The following RNF19A variants were observed in gnomAD, a reference collection of about 807,000 sequenced individuals.
RNF19A encodes E3 ubiquitin-protein ligase RNF19A.
Under a neutral mutation model 75.7 loss-of-function variants are expected in RNF19A, and 32 were observed. The observed-to-expected ratio is 0.42, with a 90% CI of 0.32 to 0.57. The LOEUF (loss-of-function observed/expected upper bound fraction) is 0.57. RNF19A is among the 20% of genes least tolerant of loss of function. The pLI is 0.10. For missense variants in RNF19A, 782 were observed against 1,036.3 expected, an observed-to-expected ratio of 0.75 and a Z score of 3.37; for synonymous variants, 335 against 345.2, an observed-to-expected ratio of 0.97 and a Z score of 0.33.
At chr8:100,305,410 A>G (rs555898968) in intron 1 of RNF19A, among the ~76,000 whole-genome samples, 3 of 152,340 alleles carry the variant, frequency 2.0e-5, no homozygotes, top group South Asian at 4.1e-4. Context: ...AGAAAGAAAC[A>G]TGTCATACAA....
chr8:100,287,944 G>A lies in RNF19A; in HGVS notation c.231C>T (p.Asn77=), dbSNP rs771390660. The A allele has an allele frequency of 6.2e-7, 1 of 1,614,108 alleles. No homozygotes were observed. Among genetic ancestry groups the A allele is most frequent in the South Asian group, 1.1e-5 (1 of 91,078 alleles). Reference sequence around the variant, plus strand: ...CATTTAGCTCCCTTGATTTACGTTTGTTATCTTTTTTCCTCCGAAACAGGG... The same window carrying A: ...CATTTAGCTCCCTTGATTTACGTTTATTATCTTTTTTCCTCCGAAACAGGG... The part of the protein sequence containing the change: ...IGSLFRRKKD[N]KRKSRELNGG... The change falls in exon 2 of 10, where the codon AAC becomes AAT. Residue 77 remains asparagine (N), a synonymous_variant. Coordinates refer to ENST00000341084, the MANE Select transcript of RNF19A (RefSeq NM_183419.4). The surrounding 1 kb of genome is among the most constrained non-coding windows in gnomAD (Gnocchi z 4.1).
chr8:100,313,239 T>G, upstream of RNF19A: 16 of 741,038 alleles, frequency 2.2e-5, no homozygotes, highest in Non-Finnish European at 2.5e-5. Flanking sequence ...GGTGCTTACA[T>G]TGGGGGATGA....
At chr8:100,293,804 C>T (rs1821418897) in intron 1 of RNF19A, among the ~76,000 whole-genome samples, 2 of 152,026 alleles carry the variant, frequency 1.3e-5, no homozygotes, top group African/African-American at 4.8e-5. Context: ...TTTTTTTCTT[C>T]GTTCAGTAGA....
chr8:100,335,273 T>C (rs1307133530), intron 1 of RNF19A, among the ~76,000 whole-genome samples: 2 of 152,212 alleles, frequency 1.3e-5, no homozygotes, highest in Non-Finnish European at 2.9e-5. Flanking sequence ...CCATCCTAAA[T>C]GTTTAATTTG....
chr8:100,277,892 T>TC (rs1423329171), intron 2 of RNF19A, among the ~76,000 whole-genome samples: 1 of 152,192 alleles, frequency 6.6e-6, no homozygotes, highest in African/African-American at 2.4e-5. Context: ...CCAAACTTTT[T>TC]CTCTACCTAC....
chr8:100,271,903 T>C (rs1801553831), intron 3 of RNF19A, among the ~76,000 whole-genome samples: 2 of 152,142 alleles, frequency 1.3e-5, no homozygotes, highest in African/African-American at 4.8e-5. Flanking sequence ...AAGAATCAAT[T>C]AAGCCACCGT....
chr8:100,326,294 A>G (rs1463717459), intron 1 of RNF19A, among the ~76,000 whole-genome samples: 2 of 152,142 alleles, frequency 1.3e-5, no homozygotes, highest in African/African-American at 2.4e-5. Context: ...CATACCACCT[A>G]ACCTCAGTTT....
chr8:100,257,918 C>G lies in RNF19A; in HGVS notation c.*638G>C. On this transcript the variant is annotated 3_prime_UTR_variant, in exon 10 of 10. Coordinates refer to ENST00000341084, the MANE Select transcript of RNF19A (RefSeq NM_183419.4). ...ATTTTTTCCTCTAAGATGGCATCAA[C>G]AATAAACAAGATAGAGTACCAGGTA... 1 of 398,218 alleles carries G rather than the reference C, an allele frequency of 2.5e-6. No homozygotes were observed. Among genetic ancestry groups the G allele is most frequent in the Non-Finnish European group, 4.4e-6 (1 of 225,658 alleles). 24.7% of individuals were successfully genotyped at this position (398,218 alleles called of 1,614,324 possible). A position where few individuals can be genotyped will look rare whatever the true frequency, so the allele number is the denominator to read the frequency against.
chr8:100,259,928 C>A lies in RNF19A; in HGVS notation c.1752G>T (p.Leu584Phe), dbSNP rs756679874. ...SLSGESGTVS[L>F]GTVSDNASTK... is the part of the protein sequence containing the mutation. ...TGCTGGCATTATCACTAACTGTTCCCAAGCTGACTGTGCCAGATTCTCCAC... is the reference window on the plus strand; with the variant it reads ...TGCTGGCATTATCACTAACTGTTCCAAAGCTGACTGTGCCAGATTCTCCAC... The change falls in exon 9 of 10, where the codon TTG becomes TTT. Residue 584 changes from leucine to phenylalanine, a missense_variant. By Grantham distance (22) the Leu-to-Phe change is conservative (BLOSUM62 0). This residue lies in a region of RNF19A where 442 missense variants were observed against 541.6 expected (regional missense o/e 0.82). Transcript: ENST00000341084. This position sits in a 1 kb window ranked among gnomAD's most constrained non-coding sequence, Gnocchi z 4.5. 22 of 1,613,764 alleles carry A rather than the reference C, an allele frequency of 1.4e-5. No homozygotes were observed. The highest frequency in any genetic ancestry group is 1.9e-5 in the Non-Finnish European group (22 of 1,179,844).
chr8:100,273,594 T>A (rs1380884545), intron 3 of RNF19A, among the ~76,000 whole-genome samples: 2 of 152,162 alleles, frequency 1.3e-5, no homozygotes, highest in African/African-American at 4.8e-5. Context: ...TGATTTATTT[T>A]AAAAAATAAT....
Position 100,287,528 on chromosome 8 carries a change from C to A in RNF19A, c.647G>T (p.Cys216Phe). ...LRRWLVADPD[C>F]RWCPAPDCGY... ...ACAGTCTGGAGCTGGACACCACCTACAATCAGGATCTGCAACAAGCCACCG... is the reference window on the plus strand; with the variant it reads ...ACAGTCTGGAGCTGGACACCACCTAAAATCAGGATCTGCAACAAGCCACCG... The change falls in exon 2 of 10, where the codon TGT becomes TTT. Residue 216 changes from cysteine (C) to phenylalanine (F), a missense_variant. This residue lies in a region of RNF19A where 85 missense variants were observed against 177.7 expected (regional missense o/e 0.48). Coordinates refer to ENST00000341084, the MANE Select transcript of RNF19A (RefSeq NM_183419.4). The surrounding 1 kb of genome is among the most constrained non-coding windows in gnomAD (Gnocchi z 4.1). The A allele has an allele frequency of 1.2e-6, 2 of 1,613,150 alleles. No individual in the cohort carries two copies. The highest frequency in any genetic ancestry group is 1.7e-6 in the Non-Finnish European group (2 of 1,179,300).
chr8:100,259,072 T>A lies in RNF19A; in HGVS notation c.2001A>T (p.Ala667=). 1 of 1,614,220 alleles carries A rather than the reference T, an allele frequency of 6.2e-7. No homozygotes were observed. Among genetic ancestry groups the A allele is most frequent in the Admixed American group, 1.7e-5 (1 of 60,034 alleles). The change falls in exon 10 of 10, where the codon GCA becomes GCT. Residue 667 remains alanine (A), a synonymous_variant. Coordinates refer to ENST00000341084, the MANE Select transcript of RNF19A (RefSeq NM_183419.4). This position sits in a 1 kb window ranked among gnomAD's most constrained non-coding sequence, Gnocchi z 4.5. ...KSSATKWSKE[A]TAGKKSKSGK... ...CACTTTTTGATTTTTTCCCTGCTGTTGCTTCTTTGGACCACTTGGTGGCAC... is the reference window on the plus strand; with the variant it reads ...CACTTTTTGATTTTTTCCCTGCTGTAGCTTCTTTGGACCACTTGGTGGCAC...
intron 1 of RNF19A, among the ~76,000 whole-genome samples, chr8:100,334,728 C>G (rs1822654813): frequency 6.6e-6 from 1 of 152,194 alleles, no homozygotes. Context: ...GGCGTGCACC[C>G]ATTCAGCACT....
intron 2 of RNF19A, among the ~76,000 whole-genome samples, chr8:100,286,463 C>CA (rs1448814897): frequency 1.3e-5 from 2 of 152,160 alleles, no homozygotes; most frequent in Non-Finnish European, 2.9e-5. Flanking sequence ...TTGTATATTA[C>CA]ATAGAAATCC....
upstream of RNF19A, among the ~76,000 whole-genome samples, chr8:100,312,101 C>T (rs1259535858): frequency 6.6e-6 from 1 of 152,168 alleles, no homozygotes; most frequent in African/African-American, 2.4e-5. Flanking sequence ...GTTCCCAGGC[C>T]CCATTCTTTT....
chr8:100,270,731 T>C (rs970504051), intron 3 of RNF19A, among the ~76,000 whole-genome samples: 8 of 152,130 alleles, frequency 5.3e-5, no homozygotes, highest in African/African-American at 1.9e-4. Context: ...AAAGCAATCA[T>C]TGTTAGTTAT....
intron 2 of RNF19A, among the ~76,000 whole-genome samples, chr8:100,279,147 T>G (rs931126123): frequency 6.6e-6 from 1 of 152,196 alleles, no homozygotes; most frequent in Non-Finnish European, 1.5e-5. Context: ...TTATACCAAA[T>G]ATAATGTTCC....
chr8:100,330,407 G>T lies in RNF19A; in HGVS notation c.-243+5701C>A, dbSNP rs187975409. Among the ~76,000 whole-genome samples the T allele has an allele frequency of 1.3e-5, 2 of 152,288 alleles. No individual in the cohort carries two copies. The highest frequency in any genetic ancestry group is 4.8e-5 in the African/African-American group (2 of 41,558). Reference sequence around the variant, plus strand: ...TAATATTAAAGTCATGACCTGTAAGGGTTATGATCTTTGCCTGGCATAGTG... The same window carrying T: ...TAATATTAAAGTCATGACCTGTAAGTGTTATGATCTTTGCCTGGCATAGTG... On this transcript the variant is annotated intron_variant, in intron 1 of 3. Coordinates refer to the RNF19A transcript ENST00000519527. The surrounding 1 kb of genome is among the most constrained non-coding windows in gnomAD (Gnocchi z 4.1).
chr8:100,321,584 C>T (rs1446629594), intron 1 of RNF19A, among the ~76,000 whole-genome samples: 6 of 152,214 alleles, frequency 3.9e-5, no homozygotes, highest in Non-Finnish European at 7.3e-5. Context: ...TTGAACGCTT[C>T]CCATGAATGA....
Sources: allele counts gnomAD v4.1 joint callset (sites outside exome capture counted in the v4.1 genomes callset), GRCh38; gene constraint gnomAD v4.1.1; regional missense constraint gnomAD v4.1.1; non-coding constraint Gnocchi (gnomAD v3.1); transcripts MANE v1.5; gene names NCBI Gene and HGNC (gene_info 2026-07-23, HGNC 2026-07-21).